Variants in MCPH1 observed in about 807,000 individuals in gnomAD.
The protein encoded by MCPH1 is microcephalin 1.
Under a neutral mutation model 84.5 loss-of-function variants are expected in MCPH1, and 104 were observed. The observed-to-expected ratio is 1.23, with a 90% CI of 1.05 to 1.45. The LOEUF (loss-of-function observed/expected upper bound fraction) is 1.45. Ranked by LOEUF, MCPH1 falls within the 40% of genes most tolerant of loss-of-function variation. The probability of loss-of-function intolerance (pLI) is 0.00; values close to 1 mark genes in which losing one functional copy is unlikely to be tolerated. For missense variants in MCPH1, 1,498 were observed against 1,005.7 expected (o/e 1.49, Z -6.62); for synonymous variants, 514 against 366.8 (o/e 1.40, Z -4.58).
chr8:6,503,741 A>T (rs994913390), intron 12 of MCPH1, among the ~76,000 whole-genome samples: 1 of 152,184 alleles, frequency 6.6e-6, no homozygotes, highest in Non-Finnish European at 1.5e-5. Context: ...GAGCTACATA[A>T]AAAGGAAGTC....
chr8:6,455,202 G>A lies in MCPH1; in HGVS notation c.1885G>A (p.Asp629Asn), dbSNP rs1187830396. ...AGATGACTCATGTGACGGCTTTAAG[G>A]ACCTCATCAAACCTCATGAGGAATT... ...VLDDSCDGFK[D>N]LIKPHEELKK... Residue 629 changes from aspartate (D) to asparagine (N), a missense_variant, in exon 9 of 14, where the codon GAC becomes AAC. Asp to Asn is a conservative substitution (Grantham distance 23). Coordinates refer to ENST00000344683, the MANE Select transcript of MCPH1 (RefSeq NM_024596.5). 1 of 1,614,012 alleles carries A rather than the reference G, an allele frequency of 6.2e-7. No homozygotes were observed. Among genetic ancestry groups the A allele is most frequent in the East Asian group, 2.2e-5 (1 of 44,850 alleles).
intron 12 of MCPH1, among the ~76,000 whole-genome samples, chr8:6,593,168 C>G (rs1440121433): frequency 6.7e-6 from 1 of 148,426 alleles, no homozygotes; most frequent in Non-Finnish European, 1.5e-5. Flanking sequence ...ACTGCAACCT[C>G]TACCTCCCGG....
rs117572681 is a variant in MCPH1, at chr8:6,515,782, A to T, written c.2214+15853A>T. On this transcript the variant is annotated intron_variant, in intron 12 of 13. Transcript: ENST00000344683. ...AAATATTCTTCTTGTGTTGTGTCCC[A>T]TGGTCTTTTTGAGAATAATGGAGGC... Among the ~76,000 whole-genome samples the T allele has an allele frequency of 4.6e-3, 701 of 152,330 alleles. 3 individuals carry two copies. Among genetic ancestry groups the T allele is most frequent in the Middle Eastern group, 0.01 (3 of 294 alleles).
intron 12 of MCPH1, among the ~76,000 whole-genome samples, chr8:6,538,522 C>G (rs1820919771): frequency 6.6e-6 from 1 of 152,180 alleles, no homozygotes; most frequent in African/African-American, 2.4e-5. Context: ...CGCCCCTGAT[C>G]TTGTGGGCCT....
intron 9 of MCPH1, among the ~76,000 whole-genome samples, chr8:6,476,265 C>A (rs1017408079): frequency 6.6e-6 from 1 of 151,928 alleles, no homozygotes; most frequent in African/African-American, 2.4e-5. Context: ...CCTGTCTCTA[C>A]TAGAAATACA....
At chr8:6,449,812 T>C (rs1373307) in intron 8 of MCPH1, among the ~76,000 whole-genome samples, 104,852 of 152,084 alleles carry the variant, frequency 0.69, 39,657 homozygotes, top group Non-Finnish European at 0.83. Flanking sequence ...TGTGGAAATG[T>C]GTCCCACCTG....
intron 11 of MCPH1, among the ~76,000 whole-genome samples, chr8:6,484,452 G>T (rs539624482): frequency 6.6e-6 from 1 of 152,380 alleles, no homozygotes; most frequent in African/African-American, 2.4e-5. Context: ...AAGTGGTCCA[G>T]CCGCTTTGAG....
intron 4 of MCPH1, among the ~76,000 whole-genome samples, chr8:6,434,916 A>G (rs904304556): frequency 6.6e-5 from 10 of 152,158 alleles, no homozygotes; most frequent in Non-Finnish European, 1.3e-4. Context: ...CAGTATGTGT[A>G]TTTGTGCTGA....
intron 3 of MCPH1, among the ~76,000 whole-genome samples, chr8:6,428,793 TATC>T (rs1345543067): frequency 6.6e-6 from 1 of 152,252 alleles, no homozygotes; most frequent in Non-Finnish European, 1.5e-5. Context: ...TTACAAGGCT[TATC>T]ATGAAAAACA....
rs138053875 is a variant in MCPH1, at chr8:6,611,130, T to TCACACACACA, written c.2215-10314_2215-10305dup. ...CACACACACTCTCTCACACACACAC[T>TCACACACACA]CACACACACACACACACACTCAGAA... On this transcript the variant is annotated intron_variant, in intron 12 of 13. Transcript: ENST00000344683. Among the ~76,000 whole-genome samples, 555 of 149,842 alleles carry TCACACACACA rather than the reference T, an allele frequency of 3.7e-3. 4 individuals carry two copies. Among genetic ancestry groups the TCACACACACA allele is most frequent in the African/African-American group, 0.013 (528 of 41,094 alleles).
At chr8:6,631,320 A>T (rs1382192016) in intron 13 of MCPH1, among the ~76,000 whole-genome samples, 1 of 152,262 alleles carries the variant, frequency 6.6e-6, no homozygotes, top group African/African-American at 2.4e-5. Flanking sequence ...AGGTAAAAAT[A>T]GATAAATTGC....
chr8:6,407,221 G>T (rs1197823009), intron 1 of MCPH1: 1 of 169,446 alleles, frequency 5.9e-6, no homozygotes, highest in Non-Finnish European at 1.3e-5. Flanking sequence ...AGGAGCGGCA[G>T]TTGAGTTTCT....
At chr8:6,538,149 C>G (rs549156214) in intron 12 of MCPH1, among the ~76,000 whole-genome samples, 1 of 151,738 alleles carries the variant, frequency 6.6e-6, no homozygotes, top group Non-Finnish European at 1.5e-5. Context: ...CCACCCAGCC[C>G]TTCCATTTTT....
At chr8:6,462,642 C>G (rs932515954) in intron 9 of MCPH1, among the ~76,000 whole-genome samples, 6 of 152,174 alleles carry the variant, frequency 3.9e-5, no homozygotes, top group African/African-American at 1.4e-4. Context: ...GGGTTCAGTC[C>G]CATCTCTGTT....
At chr8:6,588,305 C>G (rs1335076721) in intron 12 of MCPH1, among the ~76,000 whole-genome samples, 1 of 151,974 alleles carries the variant, frequency 6.6e-6, no homozygotes, top group Non-Finnish European at 1.5e-5. Flanking sequence ...AAGCAAGTCA[C>G]CGTTATCAGA....
intron 12 of MCPH1, among the ~76,000 whole-genome samples, chr8:6,612,313 A>G (rs902200485): frequency 2.6e-5 from 4 of 152,020 alleles, no homozygotes; most frequent in Non-Finnish European, 5.9e-5. Flanking sequence ...CCCCTTCCCC[A>G]AGGCCAACCT....
intron 12 of MCPH1, among the ~76,000 whole-genome samples, chr8:6,534,886 C>G (rs1428468845): frequency 1.3e-5 from 2 of 152,122 alleles, no homozygotes; most frequent in African/African-American, 4.8e-5. Context: ...AATAGCAGTT[C>G]GTAATTCTCC....
At chr8:6,621,425 C>G in intron 12 of MCPH1, 29 bp from the exon 13 acceptor site, 1 of 1,613,080 alleles carries the variant, frequency 6.2e-7, no homozygotes. Flanking sequence ...GGTCCCACCT[C>G]TGTAATTCTA....
chr8:6,432,612 TAGAG>T (rs1802011193), intron 4 of MCPH1, among the ~76,000 whole-genome samples: 1 of 152,260 alleles, frequency 6.6e-6, no homozygotes, highest in African/African-American at 2.4e-5. Flanking sequence ...GATTCTCTGT[TAGAG>T]GGAGGATTTG....
Sources: allele counts gnomAD v4.1 joint callset (sites outside exome capture counted in the v4.1 genomes callset), GRCh38; gene constraint gnomAD v4.1.1; transcripts MANE v1.5; gene names NCBI Gene and HGNC (gene_info 2026-07-23, HGNC 2026-07-21).